Variants in SPATA6 observed in about 807,000 individuals in gnomAD.
The protein encoded by SPATA6 is spermatogenesis associated 6.
In SPATA6, 56 loss-of-function variants were observed where a neutral mutation model predicts 65.3. The observed-to-expected ratio is 0.86, with a 90% confidence interval of 0.69 to 1.07. The LOEUF (loss-of-function observed/expected upper bound fraction) is 1.07. Among genes scored for constraint, SPATA6 ranks in the 50% least tolerant of loss-of-function variants. The pLI, the probability that SPATA6 is intolerant of heterozygous loss-of-function variation, is 0.00. For synonymous variants in SPATA6, 199 were observed against 213.2 expected, an observed-to-expected ratio of 0.93 and a Z score of 0.58; for missense variants, 590 against 594.8, an observed-to-expected ratio of 0.99 and a Z score of 0.08.
chr1:48,355,277 T>C (rs1274677919), intron 11 of SPATA6, among the ~76,000 whole-genome samples: 1 of 152,136 alleles, frequency 6.6e-6, no homozygotes, highest in Non-Finnish European at 1.5e-5. Flanking sequence ...TCAAAATACA[T>C]ACCTCTCCTA....
chr1:48,311,822 A>G (rs183456921), intron 11 of SPATA6, among the ~76,000 whole-genome samples: 345 of 152,308 alleles, frequency 2.3e-3, no homozygotes, highest in African/African-American at 6.9e-3. Flanking sequence ...TTCCTAGCCA[A>G]GGAAAAGGGT....
At chr1:48,278,380 C>G in the SPATA6 span, among the ~76,000 whole-genome samples, 1 of 152,190 alleles carries the variant, frequency 6.6e-6, no homozygotes, top group Non-Finnish European at 1.5e-5. Flanking sequence ...GATCAAACTA[C>G]TCCGAGCTAC....
chr1:48,413,592 G>A (rs567028059), intron 3 of SPATA6, among the ~76,000 whole-genome samples: 3 of 151,096 alleles, frequency 2.0e-5, no homozygotes, highest in Non-Finnish European at 2.9e-5. Flanking sequence ...GTGAGCCACC[G>A]TGCCCAGCCT....
chr1:48,411,394 G>A (rs946180925), intron 5 of SPATA6, 70 bp downstream of exon 5: 68 of 1,471,080 alleles, frequency 4.6e-5, no homozygotes, highest in Non-Finnish European at 5.6e-5. Context: ...TTAAGATGGC[G>A]AGCACTATGC....
At chr1:48,357,736 A>C (rs1036549847) in intron 10 of SPATA6, among the ~76,000 whole-genome samples, 1 of 152,150 alleles carries the variant, frequency 6.6e-6, no homozygotes, top group Non-Finnish European at 1.5e-5. Flanking sequence ...GAGTGTTGAA[A>C]AGAATAAAAT....
chr1:48,423,766 CA>C (rs1653581999), intron 3 of SPATA6, among the ~76,000 whole-genome samples: 1 of 151,876 alleles, frequency 6.6e-6, no homozygotes, highest in Non-Finnish European at 1.5e-5. Context: ...AGGCTGGTCT[CA>C]AACTCCTGAC....
chr1:48,452,533 G>A (rs1394393212), intron 2 of SPATA6, among the ~76,000 whole-genome samples: 1 of 151,974 alleles, frequency 6.6e-6, no homozygotes, highest in Non-Finnish European at 1.5e-5. Context: ...ATAGGCAGGT[G>A]CCACCACAGC....
At chr1:48,376,811 C>G (rs1647971042) in intron 9 of SPATA6, among the ~76,000 whole-genome samples, 1 of 152,048 alleles carries the variant, frequency 6.6e-6, no homozygotes, top group South Asian at 2.1e-4. Context: ...CCTATTGTAC[C>G]TAGGCTACAA....
chr1:48,305,849 T>C lies in SPATA6; in HGVS notation c.1224A>G (p.Glu408=). 2 of 1,612,208 alleles carry C rather than the reference T, an allele frequency of 1.2e-6. No homozygotes were observed. The highest frequency in any genetic ancestry group is 8.5e-7 in the Non-Finnish European group (1 of 1,178,830). Residue 408 remains glutamate (E), a synonymous_variant, in exon 12 of 13, where the codon GAA becomes GAG. Transcript: ENST00000371847. ...YDERDLEKDD[E]LELKRSLLCR... is the part of the protein sequence containing the mutation. ...ATAAAAGACTTCTTTTCAGTTCCAG[T>C]TCATCATCTTTCTCTAGGTCTCTCT...
Position 48,457,033 on chromosome 1 carries a change from C to T in SPATA6, c.52-3902G>A, listed in dbSNP as rs566195407. 2.6e-5 allele frequency among the ~76,000 whole-genome samples: 4 copies of T among 152,244 alleles called. No homozygotes were observed. In the East Asian group the frequency reaches 7.7e-4, roughly 29 times the overall value. ...ATAACTTGAGGCCAGGAGTTCAAGA[C>T]CAGCCTGGGCAACATAGTGAGAGCC... On this transcript the variant is annotated intron_variant, in intron 1 of 12. Coordinates refer to ENST00000371847, the MANE Select transcript of SPATA6 (RefSeq NM_019073.4).
chr1:48,350,233 T>C (rs903375593), intron 11 of SPATA6, among the ~76,000 whole-genome samples: 5 of 151,754 alleles, frequency 3.3e-5, no homozygotes, highest in Non-Finnish European at 7.4e-5. Context: ...TTCAGATCTT[T>C]TGCCCATTAT....
the SPATA6 span, among the ~76,000 whole-genome samples, chr1:48,280,338 A>C: frequency 6.6e-6 from 1 of 152,220 alleles, no homozygotes; most frequent in Non-Finnish European, 1.5e-5. Context: ...AAATCAGAGC[A>C]GAACTGAAGG....
intron 3 of SPATA6, among the ~76,000 whole-genome samples, chr1:48,439,327 G>A (rs1001707383): frequency 6.6e-6 from 1 of 152,210 alleles, no homozygotes; most frequent in African/African-American, 2.4e-5. Context: ...TAGTGTTTCT[G>A]CTGCTGCGAT....
At chr1:48,451,275 A>T (rs1444676395) in intron 3 of SPATA6, among the ~76,000 whole-genome samples, 1 of 152,156 alleles carries the variant, frequency 6.6e-6, no homozygotes, top group African/African-American at 2.4e-5. Flanking sequence ...AACACCCCAT[A>T]TCATTTTAAT....
At chr1:48,375,461 A>G (rs1038372590) in intron 9 of SPATA6, among the ~76,000 whole-genome samples, 1 of 152,142 alleles carries the variant, frequency 6.6e-6, no homozygotes, top group Non-Finnish European at 1.5e-5. Context: ...ACATCCTTAT[A>G]ATAAAATCTT....
chr1:48,369,844 T>C (rs528056315), intron 9 of SPATA6, among the ~76,000 whole-genome samples: 1 of 152,316 alleles, frequency 6.6e-6, no homozygotes, highest in South Asian at 2.1e-4. Flanking sequence ...CAGATGGAAA[T>C]GCAGAAATCA....
chr1:48,290,019 T>C, the SPATA6 span, among the ~76,000 whole-genome samples: 366 of 152,238 alleles, frequency 2.4e-3, 1 homozygote, highest in South Asian at 7.5e-3. Flanking sequence ...AGATACTCCT[T>C]GAGAAGAGCG....
At chr1:48,364,216 G>A (rs920666704) in intron 9 of SPATA6, among the ~76,000 whole-genome samples, 4 of 152,172 alleles carry the variant, frequency 2.6e-5, no homozygotes, top group Admixed American at 1.3e-4. Flanking sequence ...GGACATTTGG[G>A]TTGGTTCCAA....
At chr1:48,318,620 CAT>C (rs887532701) in intron 11 of SPATA6, among the ~76,000 whole-genome samples, 6 of 151,974 alleles carry the variant, frequency 3.9e-5, no homozygotes, top group African/African-American at 1.4e-4. Context: ...TATAAGATGA[CAT>C]AAATAAATTT....
Sources: gnomAD v4.1 joint callset for allele counts (sites outside exome capture counted in the v4.1 genomes callset) on GRCh38, gnomAD v4.1.1 for gene constraint, MANE v1.5 for transcripts, NCBI Gene and HGNC (gene_info 2026-07-23, HGNC 2026-07-21) for gene names.